The following SOX6 variants were observed in gnomAD, a reference collection of about 807,000 sequenced individuals.
The protein encoded by SOX6 is SRY-box transcription factor 6, also known as transcription factor SOX-6.
Under a neutral mutation model 97.8 loss-of-function variants are expected in SOX6, and 11 were observed. The observed-to-expected ratio is 0.11, with a 90% confidence interval of 0.07 to 0.19. The LOEUF (loss-of-function observed/expected upper bound fraction) is 0.19. SOX6 is among the 10% of genes least tolerant of loss of function. The pLI is 1.00. For synonymous variants in SOX6, 360 were observed against 371.4 expected (o/e 0.97, Z 0.35); for missense variants, 810 against 1,039.5 (o/e 0.78, Z 3.04).
chr11:16,398,537 T>C (rs984290665), intron 1 of SOX6, among the ~76,000 whole-genome samples: 13 of 151,406 alleles, frequency 8.6e-5, no homozygotes, highest in Non-Finnish European at 3.0e-5. Context: ...GGTTGGACAA[T>C]TGACATCAAT....
chr11:16,580,368 C>T (rs897274171), intron 4 of SOX6, among the ~76,000 whole-genome samples: 2 of 151,924 alleles, frequency 1.3e-5, no homozygotes, highest in South Asian at 2.1e-4. Context: ...GGACAAGATG[C>T]TAAAATGCAT....
intron 7 of SOX6, among the ~76,000 whole-genome samples, chr11:16,106,262 G>A (rs954724171): frequency 2.6e-5 from 4 of 151,754 alleles, no homozygotes; most frequent in African/African-American, 7.3e-5. Context: ...TGAAAAAGAC[G>A]AATAAAGTTG....
chr11:16,349,956 A>T (rs1856893528), intron 1 of SOX6, among the ~76,000 whole-genome samples: 1 of 152,188 alleles, frequency 6.6e-6, no homozygotes, highest in Non-Finnish European at 1.5e-5. Context: ...CTAATATTCC[A>T]TTCCAATTTT....
intron 3 of SOX6, among the ~76,000 whole-genome samples, chr11:16,292,758 A>G (rs1337966846): frequency 1.3e-5 from 2 of 152,184 alleles, no homozygotes; most frequent in Admixed American, 1.3e-4. Context: ...ATCGCTAAGA[A>G]GTACAGCTAA....
At chr11:16,632,032 G>A (rs962610079) in intron 3 of SOX6, among the ~76,000 whole-genome samples, 4 of 152,078 alleles carry the variant, frequency 2.6e-5, no homozygotes, top group Admixed American at 6.5e-5. Context: ...GGATCTCATT[G>A]AGCTTCCTTG....
intron 9 of SOX6, among the ~76,000 whole-genome samples, chr11:16,056,750 G>A (rs904539197): frequency 2.6e-5 from 4 of 152,080 alleles, no homozygotes; most frequent in Non-Finnish European, 5.9e-5. Flanking sequence ...AGCTTAAAAT[G>A]GTTCCTCTTC....
intron 4 of SOX6, among the ~76,000 whole-genome samples, chr11:16,561,566 T>G (rs1197701649): frequency 6.6e-6 from 1 of 152,148 alleles, no homozygotes; most frequent in Non-Finnish European, 1.5e-5. Flanking sequence ...CAATAGGTAT[T>G]TAACAAAAAT....
At chr11:16,621,335 A>G (rs1848542977) in intron 3 of SOX6, among the ~76,000 whole-genome samples, 1 of 152,212 alleles carries the variant, frequency 6.6e-6, no homozygotes, top group African/African-American at 2.4e-5. Context: ...TGTGGGTGCT[A>G]AGATATAAGA....
At chr11:16,301,875 A>G (rs973356110) in intron 3 of SOX6, among the ~76,000 whole-genome samples, 4 of 152,168 alleles carry the variant, frequency 2.6e-5, no homozygotes, top group Non-Finnish European at 4.4e-5. Flanking sequence ...TCTGCCTGCT[A>G]GATGTATTCC....
rs1188102825 is a variant in SOX6 at position 16,433,940 on chromosome 11, A to C, written c.-5+42375T>G. On this transcript the variant is annotated intron_variant, in intron 1 of 15. Coordinates refer to the SOX6 transcript ENST00000396356. ...ATCTACAAGGTAGTTCAAACTCCTT[A>C]ATAAGACACAAAGGCCTTCAGGATT... Among the ~76,000 whole-genome samples, 3 of 152,060 alleles carry C rather than the reference A, an allele frequency of 2.0e-5. No individual in the cohort carries two copies. In the East Asian group the frequency reaches 5.8e-4, roughly 29 times the overall value.
intron 6 of SOX6, among the ~76,000 whole-genome samples, chr11:16,131,765 C>A (rs1214441426): frequency 4.0e-5 from 6 of 151,850 alleles, no homozygotes; most frequent in Non-Finnish European, 7.4e-5. Flanking sequence ...TATTGACATA[C>A]CCAATAACAT....
chr11:16,630,691 T>G (rs1016449228), intron 3 of SOX6, among the ~76,000 whole-genome samples: 7 of 152,180 alleles, frequency 4.6e-5, no homozygotes, highest in South Asian at 2.1e-4. Flanking sequence ...GGTGTTGAAG[T>G]TCCCCACTAT....
intron 4 of SOX6, among the ~76,000 whole-genome samples, chr11:16,596,991 A>G (rs1848219075): frequency 1.3e-5 from 2 of 152,154 alleles, no homozygotes; most frequent in Non-Finnish European, 2.9e-5. Context: ...TGGGGAAACA[A>G]GAGGGCCAAA....
Position 16,537,088 on chromosome 11 carries a change from T to TG in SOX6, n.610-60701dup, listed in dbSNP as rs1861321127. Among the ~76,000 whole-genome samples, 8 of 152,260 alleles carry TG rather than the reference T, an allele frequency of 5.3e-5. No individual in the cohort carries two copies. In the South Asian group the frequency reaches 1.7e-3, roughly 32 times the overall value. On this transcript the variant is annotated intron_variant and non_coding_transcript_variant, in intron 4 of 5. Transcript: ENST00000524520. ...CACCTCATACAGGCAAGTGCCCCTC[T>TG]GGGACAAAGCTTCCAGAGGAAGGGT...
intron 12 of SOX6, among the ~76,000 whole-genome samples, chr11:16,016,475 ACT>A (rs749466122): frequency 1.3e-5 from 2 of 152,076 alleles, no homozygotes; most frequent in Non-Finnish European, 2.9e-5. Context: ...CTGAAATATG[ACT>A]CTCATAAAAA....
intron 3 of SOX6, chr11:16,316,616 A>C (rs1855764069): frequency 1.3e-5 from 2 of 152,090 alleles, no homozygotes; most frequent in African/African-American, 4.8e-5. Flanking sequence ...GCAAGGAAAA[A>C]ATGATTTAAA....
intron 9 of SOX6, among the ~76,000 whole-genome samples, chr11:16,056,597 C>T (rs535354990): frequency 6.6e-6 from 1 of 152,304 alleles, no homozygotes; most frequent in Admixed American, 6.5e-5. Context: ...GATCACCACA[C>T]TTCTCTCTTC....
At chr11:16,484,566 T>C (rs1860398943) in intron 4 of SOX6, 9 of 758,990 alleles carry the variant, frequency 1.2e-5, no homozygotes, top group Non-Finnish European at 2.2e-5. Context: ...CTGACATCAA[T>C]GGCCACCTTC....
Position 16,380,018 on chromosome 11 carries a change from T to C in SOX6, c.-4-38766A>G, listed in dbSNP as rs1401534927. On this transcript the variant is annotated intron_variant, in intron 1 of 15. Coordinates refer to the SOX6 transcript ENST00000396356. Reference sequence around the variant, plus strand: ...TTGATACCATATGATCTCATTTTTGTTTAAATATACATATATGCATATTAG... The same window carrying C: ...TTGATACCATATGATCTCATTTTTGCTTAAATATACATATATGCATATTAG... Among the ~76,000 whole-genome samples the C allele has an allele frequency of 2.0e-5, 3 of 151,950 alleles. No homozygotes were observed. In the East Asian group the frequency reaches 5.8e-4, roughly 29 times the overall value.
Sources: gnomAD v4.1 joint callset for allele counts (sites outside exome capture counted in the v4.1 genomes callset) on GRCh38, gnomAD v4.1.1 for gene constraint, MANE v1.5 for transcripts, NCBI Gene and HGNC (gene_info 2026-07-23, HGNC 2026-07-21) for gene names.